PCDH11X: variants seen among roughly 807,000 people sequenced by gnomAD.
PCDH11X encodes the protein protocadherin-11 X-linked.
Under a neutral mutation model 53.3 loss-of-function variants are expected in PCDH11X, and 18 were observed. The ratio of observed to expected loss-of-function variants is 0.34; its 90% CI spans 0.23 to 0.50. The LOEUF is 0.50. PCDH11X is among the 20% of genes least tolerant of loss of function. The pLI is 0.98. For synonymous variants in PCDH11X, 279 were observed against 393.3 expected (o/e 0.71, Z 3.44); for missense variants, 570 against 1,032.4 (o/e 0.55, Z 6.14).
chrX:91,929,783 G>A (rs2147836105), intron 6 of PCDH11X, among the ~76,000 whole-genome samples: 1 of 111,422 alleles, frequency 9.0e-6, no homozygotes, highest in South Asian at 3.7e-4. Context: ...ATGCAGTAAA[G>A]ATTTAGTCAA....
Position 92,321,192 on chromosome X carries a change from TTG to T in PCDH11X, c.3144+58051_3144+58052del, listed in dbSNP as rs1311657700. On this transcript the variant is annotated intron_variant, in intron 8 of 10. Coordinates refer to ENST00000682573, the MANE Select transcript of PCDH11X (RefSeq NM_032968.5). ...TGTGAGCTGAACTGTAAGTTTTTTTTTGTTTTTTTTTTTTTTTTGAGATGGAG... is the reference window on the plus strand; with the variant it reads ...TGTGAGCTGAACTGTAAGTTTTTTTTTTTTTTTTTTTTTTTTGAGATGGAG... Among the ~76,000 whole-genome samples, 98 of 93,953 alleles carry T rather than the reference TTG, an allele frequency of 1.0e-3. 2 individuals carry two copies. Among genetic ancestry groups the T allele is most frequent in the African/African-American group, 2.7e-3 (63 of 23,388 alleles). The allele number at this position is 93,953 out of a possible 115,157, so 81.6% of individuals were successfully genotyped here.
intron 6 of PCDH11X, among the ~76,000 whole-genome samples, chrX:92,135,993 T>G (rs1042324772): frequency 3.6e-5 from 4 of 110,498 alleles, no homozygotes; most frequent in Non-Finnish European, 1.9e-5. Flanking sequence ...TTGGAGAGAG[T>G]GATAGATTGC....
At chrX:92,273,680 A>G (rs973771828) in intron 8 of PCDH11X, among the ~76,000 whole-genome samples, 8 of 110,696 alleles carry the variant, frequency 7.2e-5, no homozygotes, top group African/African-American at 2.6e-4. Context: ...AAGCTGAAGG[A>G]AGATTTGTGG....
Position 91,978,440 on chromosome X carries a change from T to C in PCDH11X, c.3033+99167T>C, listed in dbSNP as rs753109522. ...CTCTTCATTGTAACATTTACCATAA[T>C]GTGTTTCAAGATTTATGTGTCCCTG... On this transcript the variant is annotated intron_variant, in intron 6 of 10. Coordinates refer to ENST00000682573, the MANE Select transcript of PCDH11X (RefSeq NM_032968.5). Among the ~76,000 whole-genome samples, 300 of 105,951 alleles carry C rather than the reference T, an allele frequency of 2.8e-3. 4 individuals are homozygous for C. The highest frequency in any genetic ancestry group is 1.0e-2 in the African/African-American group (288 of 28,875). The allele number at this position is 105,951 out of a possible 115,157, so 92.0% of individuals were successfully genotyped here. A position where few individuals can be genotyped will look rare whatever the true frequency, so the allele number is the denominator to read the frequency against.
intron 6 of PCDH11X, among the ~76,000 whole-genome samples, chrX:91,947,278 T>C (rs1489043809): frequency 1.8e-5 from 2 of 109,072 alleles, no homozygotes; most frequent in Admixed American, 9.9e-5. Flanking sequence ...CAAGTGCAAA[T>C]CTTGATGCGA....
intron 6 of PCDH11X, among the ~76,000 whole-genome samples, chrX:91,936,298 G>A (rs2061443996): frequency 9.1e-6 from 1 of 109,321 alleles, no homozygotes; most frequent in Non-Finnish European, 1.9e-5. Context: ...CTCAATTAAT[G>A]GTGCATAAAG....
chrX:91,819,366 T>C (rs1330118603), intron 4 of PCDH11X, among the ~76,000 whole-genome samples: 1 of 110,164 alleles, frequency 9.1e-6, no homozygotes, highest in Non-Finnish European at 1.9e-5. Flanking sequence ...TTACTAATAG[T>C]TTGAAAAACT....
intron 10 of PCDH11X, among the ~76,000 whole-genome samples, chrX:92,468,985 A>C (rs2148662477): frequency 9.1e-6 from 1 of 110,179 alleles, no homozygotes; most frequent in East Asian, 2.9e-4. Context: ...TTCCAAATAT[A>C]TTTGCACTCA....
chrX:92,046,486 C>T (rs1277987818), intron 6 of PCDH11X, among the ~76,000 whole-genome samples: 2 of 110,978 alleles, frequency 1.8e-5, no homozygotes, highest in Non-Finnish European at 3.8e-5. Context: ...TGGAAGGTAC[C>T]GTCTATTTCT....
chrX:92,205,919 A>G (rs1399525819), intron 7 of PCDH11X, among the ~76,000 whole-genome samples: 1 of 111,898 alleles, frequency 8.9e-6, no homozygotes, highest in Non-Finnish European at 1.9e-5. Context: ...ATGATCTTTT[A>G]TCTAACCAAG....
chrX:92,375,017 G>A (rs1463872025), intron 8 of PCDH11X, among the ~76,000 whole-genome samples: 1 of 103,838 alleles, frequency 9.6e-6, no homozygotes, highest in Non-Finnish European at 2.0e-5. Context: ...ACATTGGCAA[G>A]GCAAAATTTT....
At chrX:92,229,305 A>G (rs2067027102) in intron 7 of PCDH11X, among the ~76,000 whole-genome samples, 1 of 111,340 alleles carries the variant, frequency 9.0e-6, no homozygotes, top group Non-Finnish European at 1.9e-5. Context: ...AGGAGTATCA[A>G]TCAAATTATA....
At chrX:91,951,348 T>C (rs1039998676) in intron 6 of PCDH11X, among the ~76,000 whole-genome samples, 14 of 110,584 alleles carry the variant, frequency 1.3e-4, no homozygotes, top group African/African-American at 4.6e-4. Flanking sequence ...TTCTGCAGAC[T>C]TGGAGAGTAG....
intron 9 of PCDH11X, among the ~76,000 whole-genome samples, chrX:92,397,566 T>G (rs111605475): frequency 0.15 from 16,275 of 108,332 alleles, 1,214 homozygotes; most frequent in Non-Finnish European, 0.22. Flanking sequence ...GGAGTCAACT[T>G]TACAGAGGTA....
chrX:92,414,014 A>C (rs750968324), intron 9 of PCDH11X, among the ~76,000 whole-genome samples: 160 of 107,834 alleles, frequency 1.5e-3, no homozygotes, highest in African/African-American at 5.4e-3. Flanking sequence ...GCAGTCTATT[A>C]TTAGGAAGAA....
chrX:92,425,332 C>T (rs4020652), intron 9 of PCDH11X, among the ~76,000 whole-genome samples: 33,159 of 107,708 alleles, frequency 0.31, 4,665 homozygotes, highest in East Asian at 0.72. Flanking sequence ...AGATATTTGT[C>T]AGATTATAGA....
intron 8 of PCDH11X, among the ~76,000 whole-genome samples, chrX:92,320,608 T>C (rs1314582091): frequency 4.5e-5 from 5 of 111,491 alleles, no homozygotes; most frequent in African/African-American, 1.6e-4. Flanking sequence ...TATTTGAAGA[T>C]ACTGGAATGA....
At chrX:92,126,658 ATC>A (rs1158465293) in intron 6 of PCDH11X, among the ~76,000 whole-genome samples, 2 of 109,228 alleles carry the variant, frequency 1.8e-5, no homozygotes, top group Admixed American at 2.0e-4. Flanking sequence ...TTTTAAAAAA[ATC>A]TCTTTTTTGA....
chrX:92,078,988 CA>C (rs1449241849), intron 6 of PCDH11X, among the ~76,000 whole-genome samples: 1 of 109,955 alleles, frequency 9.1e-6, no homozygotes, highest in Non-Finnish European at 1.9e-5. Context: ...TTAATAACAG[CA>C]AAAATTATCA....
Sources: allele counts gnomAD v4.1 joint callset (sites outside exome capture counted in the v4.1 genomes callset), GRCh38; gene constraint gnomAD v4.1.1; transcripts MANE v1.5; gene names NCBI Gene and HGNC (gene_info 2026-07-23, HGNC 2026-07-21).